EPB41L4B: variants seen among roughly 807,000 people sequenced by gnomAD.
EPB41L4B encodes erythrocyte membrane protein band 4.1 like 4B, also known as band 4.1-like protein 4B.
Under a neutral mutation model 112.5 loss-of-function variants are expected in EPB41L4B, and 30 were observed. The observed-to-expected ratio is 0.27, with a 90% CI of 0.20 to 0.36. EPB41L4B has a LOEUF of 0.36. EPB41L4B is among the 10% of genes least tolerant of loss of function. The pLI is 1.00. For synonymous variants in EPB41L4B, 408 were observed against 439.7 expected, an observed-to-expected ratio of 0.93 and a Z score of 0.90; for missense variants, 1,024 against 1,133.3, an observed-to-expected ratio of 0.90 and a Z score of 1.38.
intron 25 of EPB41L4B, among the ~76,000 whole-genome samples, chr9:109,175,759 A>G (rs1236775939): frequency 1.3e-5 from 2 of 152,180 alleles, no homozygotes; most frequent in Non-Finnish European, 2.9e-5. Flanking sequence ...ACAAGGCCCT[A>G]CGCAGTCTGG....
At chr9:109,272,744 C>A (rs1241530843) in intron 2 of EPB41L4B, among the ~76,000 whole-genome samples, 4 of 152,138 alleles carry the variant, frequency 2.6e-5, no homozygotes, top group Admixed American at 1.3e-4. Context: ...CAGAGTAAGA[C>A]CCTATCTCAA....
chr9:109,278,986 C>G (rs1316281571), intron 2 of EPB41L4B, among the ~76,000 whole-genome samples: 1 of 152,094 alleles, frequency 6.6e-6, no homozygotes. Flanking sequence ...GCTGACCTAA[C>G]ACAGCTTCCT....
At chr9:109,289,620 C>T (rs1836450018) in intron 1 of EPB41L4B, among the ~76,000 whole-genome samples, 1 of 152,220 alleles carries the variant, frequency 6.6e-6, no homozygotes, top group Non-Finnish European at 1.5e-5. Flanking sequence ...CTGGCCAGGA[C>T]CTGGATGCAG....
At chr9:109,226,651 A>AGAATATATATAT (rs1833773668) in intron 15 of EPB41L4B, among the ~76,000 whole-genome samples, 1 of 124,536 alleles carries the variant, frequency 8.0e-6, no homozygotes, top group Non-Finnish European at 1.7e-5. Flanking sequence ...ATATATATGA[A>AGAATATATATAT]GAATATATAT....
chr9:109,316,055 A>G (rs779994876), intron 1 of EPB41L4B, among the ~76,000 whole-genome samples: 1 of 152,210 alleles, frequency 6.6e-6, no homozygotes, highest in Admixed American at 6.5e-5. Flanking sequence ...TTGCACCATG[A>G]GGCCTTCCCG....
chr9:109,258,051 A>C, intron 7 of EPB41L4B, 126 bp downstream of exon 7: 2 of 1,013,136 alleles, frequency 2.0e-6, no homozygotes, highest in South Asian at 3.3e-5. Context: ...ACAAGGAGAG[A>C]AGAGTTGGCG....
chr9:109,208,395 G>T (rs372822734), intron 17 of EPB41L4B, among the ~76,000 whole-genome samples: 5 of 151,736 alleles, frequency 3.3e-5, no homozygotes, highest in African/African-American at 9.6e-5. Flanking sequence ...CCCCATAACT[G>T]CCATCTCTTA....
chr9:109,268,369 G>A (rs1467403917), intron 3 of EPB41L4B, 22 bp downstream of exon 3: 2 of 1,606,966 alleles, frequency 1.2e-6, no homozygotes, highest in South Asian at 1.1e-5. Flanking sequence ...ATAAATGAGT[G>A]AGCTAAATTC....
At chr9:109,273,393 T>C (rs1323279212) in intron 2 of EPB41L4B, among the ~76,000 whole-genome samples, 1 of 152,118 alleles carries the variant, frequency 6.6e-6, no homozygotes, top group African/African-American at 2.4e-5. Context: ...GTTACAGGCA[T>C]GTGCCACCAC....
At chr9:109,235,599 T>C (rs1445020244) in intron 15 of EPB41L4B, among the ~76,000 whole-genome samples, 2 of 151,822 alleles carry the variant, frequency 1.3e-5, no homozygotes, top group Non-Finnish European at 2.9e-5. Flanking sequence ...GGTTTCACCA[T>C]GTTGGCCAGG....
Position 109,320,334 on chromosome 9 carries a change from C to A in EPB41L4B, c.113G>T (p.Arg38Leu), listed in dbSNP as rs1837821938. 2 of 988,982 alleles carry A rather than the reference C, an allele frequency of 2.0e-6. No homozygotes were observed. Among genetic ancestry groups the A allele is most frequent in the African/African-American group, 3.5e-5 (2 of 56,858 alleles). The allele number at this position is 988,982 out of a possible 1,614,324, so 61.3% of individuals were successfully genotyped here. ...GGAGGCGGCGGCGGCCGGGCCCCCC[C>A]GTGGCCCCCCATCGCGCTCGTCCCC... Reference protein sequence around the residue: ...GLGDERDGGPRGGPAAAASSS... With the variant: ...GLGDERDGGPLGGPAAAASSS... The change falls in exon 1 of 26, where the codon CGG becomes CTG. Residue 38 changes from arginine (R) to leucine (L), a missense_variant. Transcript: ENST00000374566.
chr9:109,256,483 T>G lies in EPB41L4B; in HGVS notation c.753-3A>C. 1 of 1,613,278 alleles carries G rather than the reference T, an allele frequency of 6.2e-7. No individual in the cohort carries two copies. The highest frequency in any genetic ancestry group is 2.2e-5 in the East Asian group (1 of 44,868). ...CCGCCTGGGCAGGGCTCTTTCCCCT[T>G]AGAAAAACCAATGGAAATACATGTA... On this transcript the variant is annotated splice_region_variant and splice_polypyrimidine_tract_variant and intron_variant, in intron 7 of 25. Transcript: ENST00000374566.
intron 22 of EPB41L4B, 125 bp downstream of exon 22, chr9:109,192,153 C>T: frequency 1.3e-6 from 1 of 765,422 alleles, no homozygotes; most frequent in Non-Finnish European, 2.2e-6. Flanking sequence ...AAGCTGATCC[C>T]TGAGCCTCCA....
chr9:109,255,798 G>C lies in EPB41L4B; in HGVS notation c.975C>G (p.Leu325=), dbSNP rs765526121. The C allele has an allele frequency of 2.5e-6, 4 of 1,613,726 alleles. No homozygotes were observed. The South Asian group carries it at 3.3e-5, about 13-fold the overall frequency. The change falls in exon 10 of 26, where the codon CTC becomes CTG. Residue 325 remains leucine, a synonymous_variant. Coordinates refer to ENST00000374566, the MANE Select transcript of EPB41L4B (RefSeq NM_019114.5). ...CCTGATCATCATCCTCGACCACCACGAGTGTCAATTTGCTCTTTTTAAAAT... is the reference window on the plus strand; with the variant it reads ...CCTGATCATCATCCTCGACCACCACCAGTGTCAATTTGCTCTTTTTAAAAT... The part of the protein sequence containing the change: ...KMDFKKSKLT[L]VVVEDDDQGR...
At chr9:109,207,613 G>A (rs115970570) in intron 18 of EPB41L4B, among the ~76,000 whole-genome samples, 2,272 of 152,036 alleles carry the variant, frequency 0.015, 64 homozygotes, top group African/African-American at 0.052. Context: ...GAGGAGAGGA[G>A]AGGAATATTC....
intron 12 of EPB41L4B, among the ~76,000 whole-genome samples, 197 bp downstream of exon 12, chr9:109,253,244 C>T (rs1834859883): frequency 6.6e-6 from 1 of 152,158 alleles, no homozygotes; most frequent in Non-Finnish European, 1.5e-5. Flanking sequence ...AACACATCCA[C>T]GGCAAACACT....
At chr9:109,217,254 A>C in intron 15 of EPB41L4B, 109 bp from the exon 16 acceptor site, 2 of 874,028 alleles carry the variant, frequency 2.3e-6, no homozygotes, top group Non-Finnish European at 3.6e-6. Flanking sequence ...AAATAAACTC[A>C]AAAACTAGAT....
chr9:109,311,717 G>A (rs1837419538), intron 1 of EPB41L4B, among the ~76,000 whole-genome samples: 1 of 152,216 alleles, frequency 6.6e-6, no homozygotes, highest in Non-Finnish European at 1.5e-5. Context: ...TTCCCAGGGA[G>A]TTCTAAGAGA....
At chr9:109,290,328 C>T (rs901786620) in intron 1 of EPB41L4B, among the ~76,000 whole-genome samples, 4 of 152,154 alleles carry the variant, frequency 2.6e-5, no homozygotes, top group African/African-American at 9.7e-5. Flanking sequence ...TTCATCGAAA[C>T]CTATTTCTCC....
Sources: allele counts gnomAD v4.1 joint callset (sites outside exome capture counted in the v4.1 genomes callset), GRCh38; gene constraint gnomAD v4.1.1; transcripts MANE v1.5; gene names NCBI Gene and HGNC (gene_info 2026-07-23, HGNC 2026-07-21).